Variants in SLC26A3 observed in about 807,000 individuals in gnomAD.
SLC26A3 encodes chloride anion exchanger.
In SLC26A3, 64 loss-of-function variants were observed where a neutral mutation model predicts 85.6. The observed-to-expected ratio is 0.75, with a 90% CI of 0.61 to 0.92. The LOEUF is 0.92. Ranked by LOEUF, SLC26A3 falls within the 40% of genes least tolerant of loss-of-function variation. The probability of loss-of-function intolerance (pLI) is 0.00; values close to 1 mark genes in which losing one functional copy is unlikely to be tolerated. For synonymous variants in SLC26A3, 349 were observed against 336.0 expected, an observed-to-expected ratio of 1.04 and a Z score of -0.42; for missense variants, 922 against 927.3, an observed-to-expected ratio of 0.99 and a Z score of 0.07.
chr7:107,770,425 A>AT (rs755510664), intron 18 of SLC26A3, among the ~76,000 whole-genome samples: 4,270 of 127,500 alleles, frequency 0.033, 146 homozygotes, highest in African/African-American at 0.089. Context: ...CCCAGCTAAC[A>AT]TTTTTTTTTT....
chr7:107,801,962 C>T (rs374492476), intron 1 of SLC26A3, among the ~76,000 whole-genome samples: 9 of 149,860 alleles, frequency 6.0e-5, no homozygotes, highest in South Asian at 2.1e-4. Flanking sequence ...CACAGTGGAG[C>T]GTGCCTGTAG....
intron 8 of SLC26A3, among the ~76,000 whole-genome samples, chr7:107,784,679 G>T (rs753993412): frequency 6.6e-6 from 1 of 152,142 alleles, no homozygotes; most frequent in Admixed American, 6.5e-5. Context: ...TGATTCACCC[G>T]CCTCGACCTC....
At chr7:107,790,461 C>T (rs1028871740) in intron 5 of SLC26A3, among the ~76,000 whole-genome samples, 1 of 152,158 alleles carries the variant, frequency 6.6e-6, no homozygotes, top group Non-Finnish European at 1.5e-5. Flanking sequence ...ATGGTCTTAA[C>T]CAATAATATC....
At chr7:107,779,113 G>A (rs887549760) in intron 12 of SLC26A3, among the ~76,000 whole-genome samples, 23 of 152,010 alleles carry the variant, frequency 1.5e-4, no homozygotes, top group East Asian at 5.8e-4. Context: ...GTGTTAAAAC[G>A]CCCCACAAAA....
chr7:107,793,125 T>A (rs531707245), intron 3 of SLC26A3, among the ~76,000 whole-genome samples: 1 of 152,324 alleles, frequency 6.6e-6, no homozygotes, highest in South Asian at 2.1e-4. Flanking sequence ...TGAACCCTCA[T>A]ACACTGCTAG....
At chr7:107,776,069 A>G (rs1345460131) in intron 15 of SLC26A3, 1 of 314,410 alleles carries the variant, frequency 3.2e-6, no homozygotes, top group Non-Finnish European at 6.1e-6. Context: ...CAACTGTTAT[A>G]CTGAATCTCT....
chr7:107,785,205 A>G (rs1009043541), intron 8 of SLC26A3, among the ~76,000 whole-genome samples: 1 of 152,210 alleles, frequency 6.6e-6, no homozygotes, highest in African/African-American at 2.4e-5. Flanking sequence ...CTCTTAAAAG[A>G]ATCCTACTTG....
intron 8 of SLC26A3, among the ~76,000 whole-genome samples, chr7:107,783,938 A>G (rs2115847491): frequency 6.6e-6 from 1 of 152,332 alleles, no homozygotes; most frequent in Non-Finnish European, 1.5e-5. Flanking sequence ...AGAAACCTTC[A>G]ACTCACAGGG....
At chr7:107,777,566 G>A (rs748240084) in intron 13 of SLC26A3, among the ~76,000 whole-genome samples, 4 of 151,982 alleles carry the variant, frequency 2.6e-5, no homozygotes, top group Non-Finnish European at 4.4e-5. Flanking sequence ...CTCCGGCCTG[G>A]GCGACAAGAG....
At chr7:107,773,838 A>G (rs1794064666) in intron 17 of SLC26A3, 82 bp downstream of exon 17, 3 of 1,186,556 alleles carry the variant, frequency 2.5e-6, no homozygotes, top group South Asian at 2.6e-5. Flanking sequence ...GGCATGAGCC[A>G]CTGTGCCCAG....
chr7:107,799,032 C>T (rs1794558037), intron 1 of SLC26A3, among the ~76,000 whole-genome samples: 2 of 152,068 alleles, frequency 1.3e-5, no homozygotes, highest in Admixed American at 1.3e-4. Flanking sequence ...CAAAAAGCTC[C>T]ACATTCTGGT....
At chr7:107,794,924 C>T (rs1584413422) in intron 1 of SLC26A3, among the ~76,000 whole-genome samples, 1 of 152,142 alleles carries the variant, frequency 6.6e-6, no homozygotes, top group East Asian at 1.9e-4. Flanking sequence ...AAAGTTAAGG[C>T]ATTTAAGTGT....
chr7:107,798,323 T>G (rs1794544368), intron 1 of SLC26A3, among the ~76,000 whole-genome samples: 1 of 152,068 alleles, frequency 6.6e-6, no homozygotes, highest in Admixed American at 6.6e-5. Flanking sequence ...TCCCATGTAT[T>G]AATAACTTTT....
At position 107,779,775 on chromosome 7, in the gene SLC26A3, A is replaced by T; in HGVS notation, c.1312-12T>A. ...GCTGCCAGGACGGACTGTGAAAAAC[A>T]CAAACATCAGATGTACTTTAAGTTA... On this transcript the variant is annotated splice_polypyrimidine_tract_variant and intron_variant, in intron 11 of 20. Transcript: ENST00000340010. The T allele has an allele frequency of 6.2e-7, 1 of 1,603,640 alleles. No homozygotes were observed. The highest frequency in any genetic ancestry group is 8.5e-7 in the Non-Finnish European group (1 of 1,170,504).
At chr7:107,771,003 G>T (rs1794021464) in intron 18 of SLC26A3, among the ~76,000 whole-genome samples, 1 of 152,194 alleles carries the variant, frequency 6.6e-6, no homozygotes, top group African/African-American at 2.4e-5. Context: ...GCATTATAGG[G>T]ATGGGCAAGG....
Position 107,765,650 on chromosome 7 carries a change from C to G in SLC26A3, c.*205G>C, listed in dbSNP as rs886061896. The G allele has an allele frequency of 2.1e-5, 11 of 521,362 alleles. No homozygotes were observed. The highest frequency in any genetic ancestry group is 3.4e-5 in the Non-Finnish European group (10 of 293,390). The allele number at this position is 521,362 out of a possible 1,614,324, so 32.3% of individuals were successfully genotyped here. On this transcript the variant is annotated 3_prime_UTR_variant, in exon 21 of 21. Transcript: ENST00000340010. ...TAATTTTCACCCTTTGATAAAGCTA[C>G]AAGATATAAAATTTAGAATACTTAT...
chr7:107,770,102 G>GTCTTTCT (rs201072418), intron 18 of SLC26A3, among the ~76,000 whole-genome samples: 1,315 of 55,320 alleles, frequency 0.024, 59 homozygotes, highest in African/African-American at 0.077. Context: ...TTCTTATTTC[G>GTCTTTCT]TCTTTCTTCT....
intron 18 of SLC26A3, among the ~76,000 whole-genome samples, chr7:107,768,839 T>C (rs1054136132): frequency 1.3e-5 from 2 of 152,170 alleles, no homozygotes; most frequent in African/African-American, 2.4e-5. Context: ...TACACAGTTA[T>C]GAAGATGGAT....
intron 16 of SLC26A3, 48 bp downstream of exon 16, chr7:107,774,729 T>C (rs770223317): frequency 1.5e-6 from 2 of 1,340,620 alleles, no homozygotes; most frequent in Non-Finnish European, 2.1e-6. Flanking sequence ...AATCATCCTT[T>C]ACTAAGCTTT....
Sources: allele counts gnomAD v4.1 joint callset (sites outside exome capture counted in the v4.1 genomes callset), GRCh38; gene constraint gnomAD v4.1.1; transcripts MANE v1.5; gene names NCBI Gene and HGNC (gene_info 2026-07-23, HGNC 2026-07-21).